The following RP1 variants were observed in gnomAD, a reference collection of about 807,000 sequenced individuals.
RP1 encodes the protein oxygen-regulated protein 1.
RP1 carries 16 observed loss-of-function variants against 14.8 expected under a neutral mutation model. That is an observed-to-expected ratio of 1.08 (90% CI 0.73 to 1.65). The LOEUF (loss-of-function observed/expected upper bound fraction) is 1.65, where lower values mean the gene tolerates loss of function less well. Among genes scored for constraint, RP1 ranks in the 40% most tolerant of loss-of-function variants. RP1 has a pLI of 0.00. For synonymous variants in RP1, 876 were observed against 883.6 expected, an observed-to-expected ratio of 0.99 and a Z score of 0.15; for missense variants, 2,631 against 2,535.0, an observed-to-expected ratio of 1.04 and a Z score of -0.81.
At chr8:54,657,721 T>C (rs1288371660) in intron 6 of RP1, among the ~76,000 whole-genome samples, 2 of 152,194 alleles carry the variant, frequency 1.3e-5, no homozygotes, top group South Asian at 2.1e-4. Flanking sequence ...ATGGTAGTTA[T>C]TCACCATTTA....
intron 24 of RP1, among the ~76,000 whole-genome samples, chr8:54,832,362 T>G (rs1272967004): frequency 6.6e-6 from 1 of 151,884 alleles, no homozygotes; most frequent in African/African-American, 2.4e-5. Context: ...ATAATTTCTA[T>G]TAACTGTCTT....
chr8:54,627,172 G>C lies in RP1; in HGVS notation c.3290G>C (p.Gly1097Ala). 1 of 1,614,006 alleles carries C rather than the reference G, an allele frequency of 6.2e-7. No individual in the cohort carries two copies. The highest frequency in any genetic ancestry group is 8.5e-7 in the Non-Finnish European group (1 of 1,179,976). Residue 1097 changes from glycine (G) to alanine (A), a missense_variant, in exon 4 of 4, where the codon GGT becomes GCT. Physicochemically the swap from Gly to Ala is moderately conservative, Grantham distance 60. Transcript: ENST00000220676. ...MLHQLQASVP[G>A]IHKTQNGVVQ... ...CACCAATTGCAAGCTTCAGTTCCTG[G>C]TATTCACAAGACTCAGAATGGAGTT... is the stretch of plus-strand genomic sequence containing the variant.
At chr8:54,783,778 G>A in intron 24 of RP1, 2 of 1,065,580 alleles carry the variant, frequency 1.9e-6, no homozygotes. Context: ...AAGATGAAAT[G>A]GAGTGTAATT....
At chr8:54,607,682 T>C (rs1023481432) in intron 1 of RP1, among the ~76,000 whole-genome samples, 2 of 152,194 alleles carry the variant, frequency 1.3e-5, no homozygotes, top group African/African-American at 4.8e-5. Context: ...TGAGCTGCGG[T>C]GGGCTTCACC....
upstream of RP1, among the ~76,000 whole-genome samples, chr8:54,611,844 A>G (rs912352555): frequency 1.3e-5 from 2 of 149,830 alleles, no homozygotes; most frequent in Non-Finnish European, 3.0e-5. Flanking sequence ...TCCCCTCCCC[A>G]TGGTTTGTTG....
chr8:54,607,244 G>C (rs948964798), intron 1 of RP1, among the ~76,000 whole-genome samples: 2 of 152,132 alleles, frequency 1.3e-5, no homozygotes. Context: ...CTTTCTGTTT[G>C]TTAGTTTTCC....
At chr8:54,814,164 CTT>C (rs1811078772) in intron 24 of RP1, among the ~76,000 whole-genome samples, 1 of 152,060 alleles carries the variant, frequency 6.6e-6, no homozygotes, top group Non-Finnish European at 1.5e-5. Context: ...TAACTTTTGA[CTT>C]GGTTTTGGAT....
At chr8:54,700,565 T>C (rs1807989625) in intron 13 of RP1, among the ~76,000 whole-genome samples, 1 of 152,178 alleles carries the variant, frequency 6.6e-6, no homozygotes. Flanking sequence ...AGCCTGGTCA[T>C]AGTATATGCT....
At chr8:54,812,125 G>A (rs999665706) in intron 24 of RP1, among the ~76,000 whole-genome samples, 15 of 152,088 alleles carry the variant, frequency 9.9e-5, no homozygotes, top group Admixed American at 9.2e-4. Flanking sequence ...AAATATGTAC[G>A]TTTGTCAGAT....
At chr8:54,725,903 AT>A (rs1808643479) in intron 16 of RP1, among the ~76,000 whole-genome samples, 2 of 152,202 alleles carry the variant, frequency 1.3e-5, no homozygotes, top group South Asian at 4.1e-4. Flanking sequence ...AAAGTAGCTA[AT>A]GTTTTCCATT....
chr8:54,691,905 T>A (rs188807581), intron 12 of RP1, among the ~76,000 whole-genome samples: 1 of 152,204 alleles, frequency 6.6e-6, no homozygotes, highest in Admixed American at 6.6e-5. Context: ...CATGTTCGTG[T>A]ACAGCACCCA....
At chr8:54,852,963 A>G (rs1238924430) in intron 26 of RP1, among the ~76,000 whole-genome samples, 1 of 152,234 alleles carries the variant, frequency 6.6e-6, no homozygotes, top group East Asian at 1.9e-4. Flanking sequence ...CAGCTATAAC[A>G]AAATGAACAT....
At chr8:54,837,290 TA>T (rs1313903190) in intron 24 of RP1, among the ~76,000 whole-genome samples, 2 of 152,214 alleles carry the variant, frequency 1.3e-5, no homozygotes, top group African/African-American at 2.4e-5. Context: ...TGCTTCACCA[TA>T]TAGAACAGCA....
At chr8:54,733,144 G>A (rs900632568) in intron 17 of RP1, among the ~76,000 whole-genome samples, 1 of 152,186 alleles carries the variant, frequency 6.6e-6, no homozygotes, top group Non-Finnish European at 1.5e-5. Flanking sequence ...TATCAAGCTT[G>A]TTTAAGTGCA....
At chr8:54,780,081 C>A (rs908918634) in intron 23 of RP1, among the ~76,000 whole-genome samples, 1 of 152,212 alleles carries the variant, frequency 6.6e-6, no homozygotes, top group African/African-American at 2.4e-5. Context: ...ATATCTCCCC[C>A]ATGCTGCCAG....
intron 24 of RP1, among the ~76,000 whole-genome samples, chr8:54,832,469 T>C (rs1295504868): frequency 6.6e-6 from 1 of 151,928 alleles, no homozygotes; most frequent in African/African-American, 2.4e-5. Context: ...TTCACTTTTT[T>C]AATATAATTT....
intron 3 of RP1, among the ~76,000 whole-genome samples, chr8:54,647,253 G>A (rs1361032356): frequency 2.6e-5 from 4 of 151,574 alleles, no homozygotes; most frequent in African/African-American, 7.3e-5. Context: ...TCATCTCTAC[G>A]AAAATACAAA....
chr8:54,656,281 A>C, intron 6 of RP1: 1 of 1,457,764 alleles, frequency 6.9e-7, no homozygotes, highest in Non-Finnish European at 9.1e-7. Flanking sequence ...AAGGACAGGG[A>C]ACCAATAAAC....
intron 19 of RP1, among the ~76,000 whole-genome samples, chr8:54,746,292 A>G (rs1372436064): frequency 3.9e-5 from 6 of 152,076 alleles, no homozygotes; most frequent in Non-Finnish European, 7.4e-5. Flanking sequence ...ACACCTGCCC[A>G]TTTCATGATA....
Sources: gnomAD v4.1 joint callset for allele counts (sites outside exome capture counted in the v4.1 genomes callset) on GRCh38, gnomAD v4.1.1 for gene constraint, MANE v1.5 for transcripts, NCBI Gene and HGNC (gene_info 2026-07-23, HGNC 2026-07-21) for gene names.